Variants in GRIN2A observed in about 807,000 individuals in gnomAD.
GRIN2A encodes glutamate receptor ionotropic, NMDA 2A.
GRIN2A carries 22 observed loss-of-function variants against 113.4 expected under a neutral mutation model. The ratio of observed to expected loss-of-function variants is 0.19; its 90% CI spans 0.14 to 0.28. The LOEUF (loss-of-function observed/expected upper bound fraction) is 0.28. Ranked by LOEUF, GRIN2A falls within the 10% of genes least tolerant of loss-of-function variation. The probability of loss-of-function intolerance (pLI) is 1.00; values close to 1 mark genes in which losing one functional copy is unlikely to be tolerated. For synonymous variants in GRIN2A, 827 were observed against 738.4 expected (o/e 1.12, Z -1.94); for missense variants, 1,502 against 1,887.0 (o/e 0.80, Z 3.78).
intron 2 of GRIN2A, among the ~76,000 whole-genome samples, chr16:10,095,313 C>G (rs1459905694): frequency 6.6e-6 from 1 of 152,018 alleles, no homozygotes; most frequent in Non-Finnish European, 1.5e-5. Context: ...CTCACTAAGA[C>G]AAGAATGTGT....
At chr16:9,769,322 A>G (rs1901112174) in intron 11 of GRIN2A, 2 of 258,748 alleles carry the variant, frequency 7.7e-6, no homozygotes, top group Admixed American at 9.4e-5. Context: ...AATAGAGAAT[A>G]TAATATATAT....
At chr16:10,138,410 G>A (rs1054407296) in intron 2 of GRIN2A, among the ~76,000 whole-genome samples, 2 of 152,180 alleles carry the variant, frequency 1.3e-5, no homozygotes, top group African/African-American at 2.4e-5. Context: ...GGTGGAAGAC[G>A]AAGAGGAAGC....
chr16:9,898,254 T>A (rs2043847538), intron 3 of GRIN2A, among the ~76,000 whole-genome samples: 1 of 152,090 alleles, frequency 6.6e-6, no homozygotes, highest in Non-Finnish European at 1.5e-5. Context: ...CACCCTGTCA[T>A]ATTTTCTAAC....
chr16:9,822,044 T>A (rs761810530), intron 10 of GRIN2A, among the ~76,000 whole-genome samples: 4 of 152,176 alleles, frequency 2.6e-5, no homozygotes, highest in Non-Finnish European at 5.9e-5. Flanking sequence ...TCTGTGCATT[T>A]CAAAGCATCC....
At chr16:9,978,012 G>A (rs2045809604) in intron 2 of GRIN2A, among the ~76,000 whole-genome samples, 1 of 152,218 alleles carries the variant, frequency 6.6e-6, no homozygotes, top group Admixed American at 6.5e-5. Flanking sequence ...GTTAGAACTT[G>A]GATGCTGGCT....
chr16:10,145,125 A>G (rs750542788), intron 2 of GRIN2A, among the ~76,000 whole-genome samples: 7 of 152,140 alleles, frequency 4.6e-5, no homozygotes, highest in Non-Finnish European at 1.0e-4. Context: ...CAGGATATCT[A>G]AAATAGACTC....
chr16:10,168,938 C>T (rs1379406635), intron 2 of GRIN2A, among the ~76,000 whole-genome samples: 1 of 150,704 alleles, frequency 6.6e-6, no homozygotes, highest in African/African-American at 2.4e-5. Context: ...GAACTCCAGC[C>T]TGGGCGACAA....
At chr16:9,948,779 C>G (rs568584158) in intron 2 of GRIN2A, among the ~76,000 whole-genome samples, 119 of 152,290 alleles carry the variant, frequency 7.8e-4, no homozygotes, top group Middle Eastern at 6.8e-3. Flanking sequence ...GAGAAGAGCA[C>G]AGAGAGAGAA....
At chr16:10,148,273 G>C (rs564622261) in intron 2 of GRIN2A, among the ~76,000 whole-genome samples, 6 of 152,324 alleles carry the variant, frequency 3.9e-5, no homozygotes, top group African/African-American at 1.4e-4. Flanking sequence ...GCAGAGTTGA[G>C]TAGTTGCAAC....
intron 7 of GRIN2A, among the ~76,000 whole-genome samples, chr16:9,836,694 A>G (rs544926097): frequency 6.6e-6 from 1 of 152,348 alleles, no homozygotes; most frequent in African/African-American, 2.4e-5. Flanking sequence ...TTGCTATTCT[A>G]AGATACCACA....
intron 2 of GRIN2A, among the ~76,000 whole-genome samples, chr16:10,076,971 A>T (rs13336710): frequency 0.14 from 21,242 of 152,170 alleles, 2,001 homozygotes; most frequent in African/African-American, 0.27. Context: ...ATCCTGGATG[A>T]CCTGCGTGGG....
At chr16:10,020,043 A>G (rs1343274622) in intron 2 of GRIN2A, among the ~76,000 whole-genome samples, 1 of 152,262 alleles carries the variant, frequency 6.6e-6, no homozygotes, top group Non-Finnish European at 1.5e-5. Context: ...ATCACATTGT[A>G]CACCTTGAAT....
At chr16:10,141,184 C>A (rs1208725365) in intron 2 of GRIN2A, among the ~76,000 whole-genome samples, 1 of 151,996 alleles carries the variant, frequency 6.6e-6, no homozygotes, top group Admixed American at 6.6e-5. Context: ...CAGAGCAAGA[C>A]ACTGTCTCAA....
chr16:10,025,363 T>C (rs553290016), intron 2 of GRIN2A, among the ~76,000 whole-genome samples: 106 of 137,916 alleles, frequency 7.7e-4, no homozygotes, highest in Non-Finnish European at 1.1e-3. Flanking sequence ...AGTGCAGTGG[T>C]GTAATTACAA....
chr16:9,863,308 G>A (rs889275252), intron 4 of GRIN2A, among the ~76,000 whole-genome samples: 2 of 152,190 alleles, frequency 1.3e-5, no homozygotes, highest in African/African-American at 2.4e-5. Flanking sequence ...GCCCCAATAT[G>A]CACAGTCTTC....
At chr16:9,921,060 T>C (rs1437554525) in intron 3 of GRIN2A, among the ~76,000 whole-genome samples, 2 of 152,176 alleles carry the variant, frequency 1.3e-5, no homozygotes, top group Non-Finnish European at 2.9e-5. Flanking sequence ...GAGTTGATGG[T>C]TCTGCATTTG....
chr16:10,178,626 C>A (rs1235583258), intron 2 of GRIN2A, among the ~76,000 whole-genome samples: 1 of 152,166 alleles, frequency 6.6e-6, no homozygotes, highest in Non-Finnish European at 1.5e-5. Context: ...ATTCTGCTAG[C>A]CTGCAAATCA....
At chr16:9,856,928 T>A (rs181075941) in intron 4 of GRIN2A, among the ~76,000 whole-genome samples, 9 of 152,048 alleles carry the variant, frequency 5.9e-5, no homozygotes, top group Non-Finnish European at 1.2e-4. Flanking sequence ...ATGTGACAGA[T>A]GTGATGTCAG....
chr16:9,980,848 G>A, intron 2 of GRIN2A, among the ~76,000 whole-genome samples: 1 of 113,982 alleles, frequency 8.8e-6, no homozygotes, highest in Non-Finnish European at 1.7e-5. Flanking sequence ...TGGGGTGGGG[G>A]GAGGGGGGAG....
Sources: gnomAD v4.1 joint callset for allele counts (sites outside exome capture counted in the v4.1 genomes callset) on GRCh38, gnomAD v4.1.1 for gene constraint, MANE v1.5 for transcripts, NCBI Gene and HGNC (gene_info 2026-07-23, HGNC 2026-07-21) for gene names.